Variants in MSRA observed in about 807,000 individuals in gnomAD.
MSRA encodes the protein mitochondrial peptide methionine sulfoxide reductase.
A neutral mutation model predicts 31.3 loss-of-function variants in MSRA; 54 were observed. The ratio of observed to expected loss-of-function variants is 1.73; its 90% CI spans 1.39 to 2.17. The LOEUF (loss-of-function observed/expected upper bound fraction) is 2.17, where lower values mean the gene tolerates loss of function less well. Ranked by LOEUF, MSRA falls within the 30% of genes most tolerant of loss-of-function variation. The pLI is 0.00. For synonymous variants in MSRA, 169 were observed against 116.5 expected (o/e 1.45, Z -2.90); for missense variants, 507 against 300.9 (o/e 1.69, Z -5.07).
intron 5 of MSRA, among the ~76,000 whole-genome samples, chr8:10,400,104 C>T (rs1807355921): frequency 6.6e-6 from 1 of 151,606 alleles, no homozygotes; most frequent in South Asian, 2.1e-4. Flanking sequence ...GGTGATAAAC[C>T]ATTGTCATAG....
At chr8:10,240,193 C>A (rs570410715) in intron 2 of MSRA, among the ~76,000 whole-genome samples, 1 of 152,210 alleles carries the variant, frequency 6.6e-6, no homozygotes, top group African/African-American at 2.4e-5. Context: ...GGAAGGGGCC[C>A]GGTGTAATCC....
At chr8:10,169,186 G>GTAC (rs1472637198) in intron 1 of MSRA, among the ~76,000 whole-genome samples, 1 of 152,118 alleles carries the variant, frequency 6.6e-6, no homozygotes, top group Non-Finnish European at 1.5e-5. Flanking sequence ...GCTGTGCTTG[G>GTAC]TACTCCCTCA....
chr8:10,129,498 C>T (rs531342614), intron 1 of MSRA, among the ~76,000 whole-genome samples: 5 of 152,232 alleles, frequency 3.3e-5, no homozygotes, highest in African/African-American at 1.2e-4. Context: ...CACCTGTTCT[C>T]TTGCCCTGCA....
At chr8:10,140,696 G>C (rs1436447440) in intron 1 of MSRA, among the ~76,000 whole-genome samples, 1 of 152,090 alleles carries the variant, frequency 6.6e-6, no homozygotes, top group African/African-American at 2.4e-5. Context: ...GAAGTTACCA[G>C]TGCACAGGAA....
chr8:10,380,087 A>G (rs1805977777), intron 5 of MSRA, among the ~76,000 whole-genome samples: 1 of 152,142 alleles, frequency 6.6e-6, no homozygotes, highest in African/African-American at 2.4e-5. Context: ...TTCTTGGTTT[A>G]TGTCTTTAGC....
At chr8:10,095,198 T>C (rs1230623066) in intron 1 of MSRA, among the ~76,000 whole-genome samples, 1 of 152,244 alleles carries the variant, frequency 6.6e-6, no homozygotes, top group Non-Finnish European at 1.5e-5. Flanking sequence ...TACATACATC[T>C]CTTCTCACAG....
At chr8:10,296,560 A>G (rs765972115) in intron 3 of MSRA, among the ~76,000 whole-genome samples, 14 of 152,186 alleles carry the variant, frequency 9.2e-5, no homozygotes, top group African/African-American at 2.4e-5. Flanking sequence ...TTCTATTCCA[A>G]TTTTCCCCAT....
At chr8:10,066,779 C>A (rs1286671137) in intron 1 of MSRA, among the ~76,000 whole-genome samples, 1 of 152,104 alleles carries the variant, frequency 6.6e-6, no homozygotes, top group Non-Finnish European at 1.5e-5. Flanking sequence ...AGGTGATCCG[C>A]CTACCTCACC....
At chr8:10,096,103 A>G (rs1028922917) in intron 1 of MSRA, 1 of 1,308,784 alleles carries the variant, frequency 7.6e-7, no homozygotes. Flanking sequence ...TAACTTTTCA[A>G]GGAGCCTTTC....
intron 1 of MSRA, among the ~76,000 whole-genome samples, chr8:10,204,997 C>G (rs1330725552): frequency 6.6e-6 from 1 of 152,106 alleles, no homozygotes; most frequent in Non-Finnish European, 1.5e-5. Context: ...GCCCTTGGTC[C>G]TGAGGGATCA....
chr8:10,284,457 G>A (rs762023475), intron 3 of MSRA, among the ~76,000 whole-genome samples: 1 of 152,168 alleles, frequency 6.6e-6, no homozygotes, highest in African/African-American at 2.4e-5. Flanking sequence ...GCCTCCCAAA[G>A]TGCTGGGATT....
At chr8:10,391,672 A>G (rs923223179) in intron 5 of MSRA, among the ~76,000 whole-genome samples, 3 of 152,204 alleles carry the variant, frequency 2.0e-5, no homozygotes, top group African/African-American at 7.2e-5. Flanking sequence ...AGCGTGGGCT[A>G]GGAGTCGGTT....
chr8:10,222,229 C>CA (rs1380744393), intron 2 of MSRA, among the ~76,000 whole-genome samples: 2 of 152,076 alleles, frequency 1.3e-5, no homozygotes, highest in African/African-American at 4.8e-5. Context: ...AATAATAATA[C>CA]AAAAAAAGCT....
At chr8:10,163,689 AG>A (rs1405876386) in intron 1 of MSRA, among the ~76,000 whole-genome samples, 2 of 152,274 alleles carry the variant, frequency 1.3e-5, no homozygotes, top group Non-Finnish European at 2.9e-5. Context: ...CCGAGATCAA[AG>A]GACCGTCTAT....
In MSRA at chr8:10,393,170, G is replaced by A. The variant is rs991542862; in HGVS notation, c.544-34978G>A. ...CTCCTTGAGCTTGGGGAGATTGTGGGGAGAACAGAAAGCAGCCGCCCGCCC... is the reference window on the plus strand; with the variant it reads ...CTCCTTGAGCTTGGGGAGATTGTGGAGAGAACAGAAAGCAGCCGCCCGCCC... On this transcript the variant is annotated intron_variant, in intron 5 of 5. Coordinates refer to ENST00000317173, the MANE Select transcript of MSRA (RefSeq NM_012331.5). Among the ~76,000 whole-genome samples, 3 of 152,256 alleles carry A rather than the reference G, an allele frequency of 2.0e-5. No homozygotes were observed. The East Asian group carries it at 5.8e-4, about 29-fold the overall frequency.
rs560611910 is a variant in MSRA at position 10,421,064 on chromosome 8, C to T, written c.544-7084C>T. ...AATAAACGTCACGTGTTTTGAGTCCCGGGGATGTGAGCTGGGTAGGGAGAG... is the reference window on the plus strand; with the variant it reads ...AATAAACGTCACGTGTTTTGAGTCCTGGGGATGTGAGCTGGGTAGGGAGAG... On this transcript the variant is annotated intron_variant, in intron 5 of 5. Coordinates refer to ENST00000317173, the MANE Select transcript of MSRA (RefSeq NM_012331.5). 8.5e-5 allele frequency among the ~76,000 whole-genome samples: 13 copies of T among 152,176 alleles called. No homozygotes were observed. The East Asian group carries it at 9.7e-4, about 11-fold the overall frequency.
At chr8:10,072,163 C>G (rs572045570) in intron 1 of MSRA, among the ~76,000 whole-genome samples, 1 of 152,138 alleles carries the variant, frequency 6.6e-6, no homozygotes, top group Non-Finnish European at 1.5e-5. Context: ...GTGAGAGATA[C>G]GTATTCCACA....
intron 1 of MSRA, among the ~76,000 whole-genome samples, chr8:10,072,636 C>T (rs991590561): frequency 6.6e-6 from 1 of 152,208 alleles, no homozygotes; most frequent in Non-Finnish European, 1.5e-5. Flanking sequence ...AATAAACTCT[C>T]TGTCAACAGA....
intron 5 of MSRA, among the ~76,000 whole-genome samples, chr8:10,334,211 TG>T (rs1802885290): frequency 2.6e-5 from 4 of 151,882 alleles, no homozygotes; most frequent in African/African-American, 9.7e-5. Flanking sequence ...TGTGTGTGTG[TG>T]TGTCTGGGTA....
Sources: allele counts gnomAD v4.1 joint callset (sites outside exome capture counted in the v4.1 genomes callset), GRCh38; gene constraint gnomAD v4.1.1; transcripts MANE v1.5; gene names NCBI Gene and HGNC (gene_info 2026-07-23, HGNC 2026-07-21).